Variants in DTNBP1 observed in about 807,000 individuals in gnomAD.
DTNBP1 encodes the protein dysbindin.
DTNBP1 carries 35 observed loss-of-function variants against 42.8 expected under a neutral mutation model. That is an observed-to-expected ratio of 0.82 (90% CI 0.63 to 1.09). The LOEUF is 1.09. DTNBP1 is among the 50% of genes least tolerant of loss of function. The pLI is 0.00. For missense variants in DTNBP1, 457 were observed against 424.2 expected, an observed-to-expected ratio of 1.08 and a Z score of -0.68; for synonymous variants, 171 against 162.2, an observed-to-expected ratio of 1.05 and a Z score of -0.41.
chr6:15,582,331 G>T (rs6459408), intron 7 of DTNBP1, among the ~76,000 whole-genome samples: 1 of 152,076 alleles, frequency 6.6e-6, no homozygotes, highest in East Asian at 1.9e-4. Flanking sequence ...ATGCTTACTA[G>T]CTGGGTGACT....
At chr6:15,577,655 A>G (rs1460723206) in intron 7 of DTNBP1, among the ~76,000 whole-genome samples, 3 of 152,222 alleles carry the variant, frequency 2.0e-5, no homozygotes, top group Non-Finnish European at 1.5e-5. Context: ...TGACAGGTTG[A>G]GTTTAAGATG....
chr6:15,595,102 T>G (rs1776457295), intron 6 of DTNBP1: 1 of 456,080 alleles, frequency 2.2e-6, no homozygotes, highest in African/African-American at 2.0e-5. Flanking sequence ...CACAGCGTCA[T>G]GACCCACAAC....
chr6:15,617,161 A>T (rs2113707854), intron 5 of DTNBP1, among the ~76,000 whole-genome samples: 1 of 152,320 alleles, frequency 6.6e-6, no homozygotes, highest in African/African-American at 2.4e-5. Flanking sequence ...TAGGAGTTTC[A>T]GATCAAGGGG....
At chr6:15,661,684 A>G (rs1276070387) in intron 1 of DTNBP1, among the ~76,000 whole-genome samples, 1 of 152,084 alleles carries the variant, frequency 6.6e-6, no homozygotes, top group African/African-American at 2.4e-5. Flanking sequence ...TTAAAACAGT[A>G]TGAGTGGAAA....
chr6:15,638,664 A>C (rs1327258880), intron 3 of DTNBP1, among the ~76,000 whole-genome samples: 1 of 152,190 alleles, frequency 6.6e-6, no homozygotes, highest in Non-Finnish European at 1.5e-5. Context: ...GATCAAAATT[A>C]ATGTCAACAG....
intron 1 of DTNBP1, chr6:15,660,653 C>A: frequency 1.3e-6 from 1 of 788,616 alleles, no homozygotes; most frequent in Non-Finnish European, 1.8e-6. Flanking sequence ...ATCCCTTTGG[C>A]ATGTCTCTCC....
chr6:15,524,040 T>G (rs1307840719), intron 9 of DTNBP1: 2 of 1,292,950 alleles, frequency 1.5e-6, no homozygotes, highest in African/African-American at 3.0e-5. Flanking sequence ...CAAAATTTTG[T>G]GAAGGGATGA....
At chr6:15,634,210 T>C (rs552895811) in intron 4 of DTNBP1, among the ~76,000 whole-genome samples, 16 of 152,330 alleles carry the variant, frequency 1.1e-4, no homozygotes, top group Admixed American at 7.8e-4. Flanking sequence ...GCTGCAGATA[T>C]ATTCACATTT....
At chr6:15,606,807 T>C (rs911664261) in intron 6 of DTNBP1, among the ~76,000 whole-genome samples, 9 of 152,172 alleles carry the variant, frequency 5.9e-5, no homozygotes, top group Admixed American at 4.6e-4. Flanking sequence ...GTAGTTTGCA[T>C]AGCATCTTGT....
rs766378965 is a variant in DTNBP1, at chr6:15,593,114, G to C, written c.489-33C>G. On this transcript the variant is annotated intron_variant, in intron 6 of 9. Transcript: ENST00000344537. ...AAAAAAAAAAAAAAGACAAGACAAT[G>C]CAAATTAAAAATCTCCCCAATGAAA... The C allele has an allele frequency of 1.4e-5, 22 of 1,538,168 alleles. No individual in the cohort carries two copies. The African/African-American group carries it at 2.5e-4, about 18-fold the overall frequency.
At chr6:15,593,034 A>T (rs779244891) in intron 7 of DTNBP1, 25 bp downstream of exon 7, 1 of 1,581,670 alleles carries the variant, frequency 6.3e-7, no homozygotes, top group Admixed American at 1.8e-5. Context: ...AACTACTTTA[A>T]AGTGAAGAAT....
At chr6:15,560,036 A>G (rs961825119) in intron 7 of DTNBP1, among the ~76,000 whole-genome samples, 2 of 152,150 alleles carry the variant, frequency 1.3e-5, no homozygotes, top group African/African-American at 4.8e-5. Context: ...GGCCAGGCGC[A>G]GTGGCTCACA....
intron 4 of DTNBP1, among the ~76,000 whole-genome samples, chr6:15,629,410 C>T (rs1426285294): frequency 1.3e-5 from 2 of 152,026 alleles, no homozygotes; most frequent in African/African-American, 4.8e-5. Context: ...TTAACCATTT[C>T]TTACTGAAAA....
intron 6 of DTNBP1, among the ~76,000 whole-genome samples, chr6:15,610,984 G>A (rs1256900598): frequency 4.6e-5 from 7 of 152,232 alleles, no homozygotes; most frequent in Non-Finnish European, 8.8e-5. Flanking sequence ...AGGTGGCTAT[G>A]CTAAACAGCA....
At chr6:15,651,226 A>T in intron 3 of DTNBP1, 87 bp downstream of exon 3, 1 of 1,254,844 alleles carries the variant, frequency 8.0e-7, no homozygotes, top group Non-Finnish European at 1.2e-6. Flanking sequence ...TAGCTGTTTT[A>T]AGGCTTTTAA....
rs886061227 is a variant in DTNBP1 at position 15,663,028 on chromosome 6, C to T, written c.-159G>A. 6 of 983,700 alleles carry T rather than the reference C, an allele frequency of 6.1e-6. No homozygotes were observed. Among genetic ancestry groups the T allele is most frequent in the South Asian group, 1.8e-5 (1 of 56,324 alleles). 60.9% of individuals were successfully genotyped at this position (983,700 alleles called of 1,614,324 possible). ...GGTCCTCGCCGCCGCGCCGCAACCC[C>T]AGCCCCTTCCGCGTTCCCGCCCCGC... On this transcript the variant is annotated 5_prime_UTR_variant, in exon 1 of 10. Coordinates refer to ENST00000344537, the MANE Select transcript of DTNBP1 (RefSeq NM_032122.5).
At chr6:15,580,699 AG>A (rs1399535935) in intron 7 of DTNBP1, among the ~76,000 whole-genome samples, 1 of 152,198 alleles carries the variant, frequency 6.6e-6, no homozygotes, top group Non-Finnish European at 1.5e-5. Context: ...TTTTCCCAGA[AG>A]CTTTTTAAAT....
At chr6:15,631,015 A>G (rs1156667895) in intron 4 of DTNBP1, among the ~76,000 whole-genome samples, 1 of 152,252 alleles carries the variant, frequency 6.6e-6, no homozygotes, top group African/African-American at 2.4e-5. Flanking sequence ...TATAGTTATA[A>G]TAATTAGCTT....
intron 7 of DTNBP1, among the ~76,000 whole-genome samples, chr6:15,538,454 C>A (rs875463): frequency 0.15 from 22,854 of 152,186 alleles, 2,501 homozygotes; most frequent in African/African-American, 0.3. Context: ...CTCCAGAAAA[C>A]AACGCAGCTC....
Sources: allele counts gnomAD v4.1 joint callset (sites outside exome capture counted in the v4.1 genomes callset), GRCh38; gene constraint gnomAD v4.1.1; transcripts MANE v1.5; gene names NCBI Gene and HGNC (gene_info 2026-07-23, HGNC 2026-07-21).